SNX29: variants seen among roughly 807,000 people sequenced by gnomAD.
The protein encoded by SNX29 is sorting nexin 29, also known as sorting nexin-29.
SNX29 carries 78 observed loss-of-function variants against 102.1 expected under a neutral mutation model. That is an observed-to-expected ratio of 0.76 (90% CI 0.64 to 0.92). The LOEUF is 0.92. SNX29 is among the 40% of genes least tolerant of loss of function. The pLI is 0.00. For synonymous variants in SNX29, 580 were observed against 414.5 expected, an observed-to-expected ratio of 1.40 and a Z score of -4.85; for missense variants, 1,280 against 1,061.7, an observed-to-expected ratio of 1.21 and a Z score of -2.86.
intron 15 of SNX29, among the ~76,000 whole-genome samples, chr16:12,333,288 G>A (rs1023532418): frequency 6.6e-6 from 1 of 151,720 alleles, no homozygotes; most frequent in African/African-American, 2.4e-5. Flanking sequence ...GTGTATTTTA[G>A]TAGAGATGGG....
chr16:12,470,405 A>C (rs1395256931), intron 18 of SNX29, among the ~76,000 whole-genome samples: 1 of 152,190 alleles, frequency 6.6e-6, no homozygotes, highest in Admixed American at 6.5e-5. Flanking sequence ...TGTAACATCC[A>C]TCAAGTATCT....
At position 12,404,829 on chromosome 16, in the gene SNX29, A is replaced by G. The variant is rs114689340; in HGVS notation, c.2037+1300A>G. On this transcript the variant is annotated intron_variant, in intron 18 of 20. Transcript: ENST00000566228. ...ATACCTGGCCTGCAGTAGACACTCT[A>G]TTCATTTCTCACCTTCCCAAATGAC... is the stretch of plus-strand genomic sequence containing the variant. Among the ~76,000 whole-genome samples the G allele has an allele frequency of 9.7e-3, 1,473 of 152,274 alleles. 24 individuals are homozygous for G. The highest frequency in any genetic ancestry group is 0.032 in the African/African-American group (1,349 of 41,556).
At chr16:12,540,624 A>C (rs1200637284) in intron 20 of SNX29, among the ~76,000 whole-genome samples, 3 of 152,204 alleles carry the variant, frequency 2.0e-5, no homozygotes, top group East Asian at 1.9e-4. Flanking sequence ...GGACCTAAAG[A>C]GTCCAGGATC....
chr16:12,045,273 C>G (rs534080865), intron 5 of SNX29, among the ~76,000 whole-genome samples: 74 of 152,290 alleles, frequency 4.9e-4, no homozygotes, highest in Non-Finnish European at 9.3e-4. Context: ...GTCTCTCACT[C>G]AACTACAGGT....
In SNX29 at chr16:12,042,982, C is replaced by A. The variant is rs371965178; in HGVS notation, c.333C>A (p.Asp111Glu). ...ACTCCCTGCGCCACATCGCCTCAGA[C>A]GTGGGCCGGGGTCGCGCCTGGCTGC... ...RFYSLRHIAS[D>E]VGRGRAWLRC... The change falls in exon 5 of 21, where the codon GAC (aspartate) becomes GAA (glutamate). Residue 111 changes from aspartate (D) to glutamate (E), a missense_variant. Asp to Glu is a conservative substitution (Grantham distance 45). Coordinates refer to ENST00000566228, the MANE Select transcript of SNX29 (RefSeq NM_032167.5). 6.2e-7 allele frequency: 1 copy of A among 1,613,858 alleles called. No individual in the cohort carries two copies. Among genetic ancestry groups the A allele is most frequent in the East Asian group, 2.2e-5 (1 of 44,890 alleles).
intron 14 of SNX29, among the ~76,000 whole-genome samples, chr16:12,230,385 C>T (rs1230739144): frequency 6.6e-6 from 1 of 152,212 alleles, no homozygotes; most frequent in Non-Finnish European, 1.5e-5. Context: ...AACCCATCTG[C>T]TGGACCTGCA....
At chr16:12,400,967 T>A (rs990654303) in intron 17 of SNX29, among the ~76,000 whole-genome samples, 9 of 152,062 alleles carry the variant, frequency 5.9e-5, no homozygotes, top group African/African-American at 1.9e-4. Context: ...GGATTACAGG[T>A]GCCTGCCACC....
intron 18 of SNX29, among the ~76,000 whole-genome samples, chr16:12,438,477 T>C (rs2085642069): frequency 6.6e-6 from 1 of 152,206 alleles, no homozygotes; most frequent in South Asian, 2.1e-4. Flanking sequence ...ACCCTGTCTT[T>C]TCAGTGATCA....
At chr16:12,099,314 C>G (rs2052907895) in intron 11 of SNX29, among the ~76,000 whole-genome samples, 1 of 152,166 alleles carries the variant, frequency 6.6e-6, no homozygotes. Context: ...CTGCCCTTCT[C>G]CCTGATTCTT....
intron 11 of SNX29, among the ~76,000 whole-genome samples, chr16:12,123,935 C>G (rs1366320968): frequency 6.6e-6 from 1 of 152,148 alleles, no homozygotes. Context: ...CCTGCTTTAT[C>G]CTATGAGGTT....
In SNX29 at chr16:12,025,687, C is replaced by T. The variant is rs139010741; in HGVS notation, c.123-1633C>T. On this transcript the variant is annotated intron_variant, in intron 3 of 20. Coordinates refer to ENST00000566228, the MANE Select transcript of SNX29 (RefSeq NM_032167.5). Reference sequence around the variant, plus strand: ...GATTAGTGATGTCTGTCATGGGCACCGAATACAGTGGAAAGGCATGAATGC... The same window carrying T: ...GATTAGTGATGTCTGTCATGGGCACTGAATACAGTGGAAAGGCATGAATGC... Among the ~76,000 whole-genome samples the T allele has an allele frequency of 2.2e-3, 339 of 152,240 alleles. 6 individuals carry two copies. Among genetic ancestry groups the T allele is most frequent in the Admixed American group, 0.011 (166 of 15,292 alleles).
At chr16:12,434,938 A>C (rs979824757) in intron 18 of SNX29, among the ~76,000 whole-genome samples, 4 of 126,554 alleles carry the variant, frequency 3.2e-5, no homozygotes, top group African/African-American at 1.2e-4. Context: ...GGGAACTGGC[A>C]CTTGGTGTCT....
intron 18 of SNX29, among the ~76,000 whole-genome samples, chr16:12,432,882 C>A (rs2085370931): frequency 6.6e-6 from 1 of 152,256 alleles, no homozygotes; most frequent in African/African-American, 2.4e-5. Flanking sequence ...AGAAGACTTT[C>A]TCCCCATGTG....
At chr16:12,314,570 G>C (rs939089519) in intron 15 of SNX29, among the ~76,000 whole-genome samples, 1 of 152,198 alleles carries the variant, frequency 6.6e-6, no homozygotes, top group Non-Finnish European at 1.5e-5. Context: ...TTTATGAATA[G>C]GCTGGAATGG....
chr16:12,212,503 T>TGG (rs34474909), intron 14 of SNX29, among the ~76,000 whole-genome samples: 70,618 of 151,890 alleles, frequency 0.46, 17,484 homozygotes, highest in Non-Finnish European at 0.57. Flanking sequence ...TGGAGGAACC[T>TGG]GTCCAATCCC....
chr16:12,293,832 C>G (rs1218320663), intron 15 of SNX29, among the ~76,000 whole-genome samples: 3 of 152,214 alleles, frequency 2.0e-5, no homozygotes, highest in African/African-American at 7.2e-5. Flanking sequence ...AAATCCTTAT[C>G]AGGCTGGCAA....
intron 20 of SNX29, among the ~76,000 whole-genome samples, chr16:12,553,978 C>T (rs910969611): frequency 3.3e-5 from 5 of 152,150 alleles, no homozygotes; most frequent in Non-Finnish European, 5.9e-5. Context: ...CAGGCATCCA[C>T]CACATTTGGC....
At chr16:11,984,383 A>AAAG (rs1555512341) in intron 1 of SNX29, among the ~76,000 whole-genome samples, 5 of 145,130 alleles carry the variant, frequency 3.4e-5, no homozygotes, top group Middle Eastern at 3.5e-3. Context: ...TCAAAAAAAA[A>AAAG]AAAAGAAAAG....
chr16:12,347,836 G>A (rs1012806923), intron 15 of SNX29, among the ~76,000 whole-genome samples: 14 of 151,770 alleles, frequency 9.2e-5, no homozygotes, highest in African/African-American at 3.4e-4. Context: ...GTAGCACTTC[G>A]GGAGGCTGAG....
Sources: gnomAD v4.1 joint callset for allele counts (sites outside exome capture counted in the v4.1 genomes callset) on GRCh38, gnomAD v4.1.1 for gene constraint, MANE v1.5 for transcripts, NCBI Gene and HGNC (gene_info 2026-07-23, HGNC 2026-07-21) for gene names.